The following BCCIP variants were observed in gnomAD, a reference collection of about 807,000 sequenced individuals.
The protein encoded by BCCIP is BRCA2 and CDKN1A-interacting protein.
A neutral mutation model predicts 32.8 loss-of-function variants in BCCIP; 23 were observed. The observed-to-expected ratio is 0.70, with a 90% CI of 0.51 to 0.99. The LOEUF is 0.99. BCCIP is among the 50% of genes least tolerant of loss of function. The pLI is 0.00. For missense variants in BCCIP, 378 were observed against 379.8 expected (o/e 1.00, Z 0.04); for synonymous variants, 144 against 137.6 (o/e 1.05, Z -0.33).
At chr10:125,827,967 G>GAAA (rs11296499) in intron 3 of BCCIP, among the ~76,000 whole-genome samples, 5 of 62,314 alleles carry the variant, frequency 8.0e-5, no homozygotes, top group Non-Finnish European at 1.2e-4. Context: ...CCCTATATCT[G>GAAA]AAAAAAAAAA....
Position 125,836,255 on chromosome 10 carries a change from A to T in BCCIP, c.926A>T (p.Lys309Ile), listed in dbSNP as rs747526355. The change falls in exon 7 of 7, where the codon AAA (lysine) becomes ATA (isoleucine). Residue 309 changes from lysine to isoleucine, a missense_variant. By Grantham distance (102) the Lys-to-Ile change is moderately radical. Coordinates refer to ENST00000278100, the MANE Select transcript of BCCIP (RefSeq NM_078468.3). ...DKMNEIMDKL[K>I]EYLSV is the part of the protein sequence containing the mutation. ...ATGAACGAAATCATGGATAAACTGA[A>T]AGAATATCTATCTGTCTAACCCATT... The T allele has an allele frequency of 6.2e-7, 1 of 1,614,216 alleles. No individual in the cohort carries two copies. Among genetic ancestry groups the T allele is most frequent in the Non-Finnish European group, 8.5e-7 (1 of 1,180,026 alleles).
chr10:125,837,378 C>T (rs1020608013), downstream of BCCIP, among the ~76,000 whole-genome samples: 5 of 152,338 alleles, frequency 3.3e-5, no homozygotes, highest in South Asian at 8.3e-4. Flanking sequence ...GTGGAGTAGT[C>T]TCACTCTTGC....
At chr10:125,849,187 G>A (rs1218230097) in intron 7 of BCCIP, among the ~76,000 whole-genome samples, 1 of 152,144 alleles carries the variant, frequency 6.6e-6, no homozygotes, top group Non-Finnish European at 1.5e-5. Flanking sequence ...TTAAATTGCT[G>A]TTTTGTTTTG....
chr10:125,835,306 T>C (rs60806765), intron 6 of BCCIP, among the ~76,000 whole-genome samples: 2,972 of 149,456 alleles, frequency 0.02, 103 homozygotes, highest in African/African-American at 0.068. Context: ...ATAGGCCGGG[T>C]GCGGTGGCTC....
chr10:125,834,829 C>CA (rs3034779), intron 6 of BCCIP, among the ~76,000 whole-genome samples: 6 of 149,100 alleles, frequency 4.0e-5, no homozygotes, highest in South Asian at 2.1e-4. Flanking sequence ...AACAAACAAA[C>CA]AAAAAACACA....
At chr10:125,839,292 TACAAAGGAGGCCAC>T, downstream of BCCIP, 1 of 1,202,838 alleles carries the variant, frequency 8.3e-7, no homozygotes, top group Non-Finnish European at 1.2e-6. Context: ...TCTCCTCTCC[TACAAAGGAGGCCAC>T]GTAGGTGAGT....
At chr10:125,833,388 T>A (rs1460583699) in intron 5 of BCCIP, among the ~76,000 whole-genome samples, 1 of 152,242 alleles carries the variant, frequency 6.6e-6, no homozygotes, top group Admixed American at 6.5e-5. Flanking sequence ...TGGTTGTGGC[T>A]GTATACCTTT....
At chr10:125,842,582 C>T (rs1190539562) in exon 7 of BCCIP, 1 of 152,568 alleles carries the variant, frequency 6.6e-6, no homozygotes, top group Non-Finnish European at 1.5e-5. Flanking sequence ...ACACTGCATC[C>T]TAGGACAAAG....
intron 7 of BCCIP, chr10:125,852,160 T>C (rs1944098791): frequency 8.1e-6 from 9 of 1,107,446 alleles, no homozygotes; most frequent in Admixed American, 5.7e-5. Flanking sequence ...AGCAGGAAAA[T>C]GCTTCAGTCC....
At chr10:125,841,468 T>C (rs1487443894), downstream of BCCIP, 3 of 1,480,760 alleles carry the variant, frequency 2.0e-6, no homozygotes, top group Non-Finnish European at 8.9e-7. Context: ...TCATCTGCAC[T>C]GATTATTTCA....
chr10:125,838,957 C>A, downstream of BCCIP: 1 of 1,567,218 alleles, frequency 6.4e-7, no homozygotes, highest in Non-Finnish European at 8.7e-7. Context: ...TGAGTATGTG[C>A]AATTCAGCAG....
chr10:125,842,828 C>CT (rs1854918276), downstream of BCCIP: 1 of 936,570 alleles, frequency 1.1e-6, no homozygotes, highest in African/African-American at 1.8e-5. Context: ...CTCTTTATTT[C>CT]TTTTAAGTTT....
downstream of BCCIP, among the ~76,000 whole-genome samples, chr10:125,846,328 A>G (rs1944020556): frequency 6.6e-6 from 1 of 152,232 alleles, no homozygotes; most frequent in African/African-American, 2.4e-5. Context: ...TGGCAGCCCC[A>G]GAACAACCTA....
chr10:125,827,224 T>G (rs906270797), intron 2 of BCCIP, among the ~76,000 whole-genome samples: 4 of 152,130 alleles, frequency 2.6e-5, no homozygotes, highest in Non-Finnish European at 5.9e-5. Flanking sequence ...CCTTATTCTT[T>G]TACTCATATA....
downstream of BCCIP, chr10:125,838,448 G>C: frequency 7.1e-7 from 1 of 1,404,142 alleles, no homozygotes; most frequent in African/African-American, 1.4e-5. Flanking sequence ...ATTATACAAA[G>C]ATGTTTGTTG....
At chr10:125,836,554 TAC>T (rs1854691556), downstream of BCCIP, 1 of 1,334,974 alleles carries the variant, frequency 7.5e-7, no homozygotes. Context: ...TAAAATAATA[TAC>T]ACAGTGTTAT....
intron 3 of BCCIP, among the ~76,000 whole-genome samples, chr10:125,829,174 C>T (rs1279723290): frequency 6.6e-6 from 1 of 152,202 alleles, no homozygotes; most frequent in East Asian, 1.9e-4. Context: ...GTGAAAGATA[C>T]AGTCTGCCAC....
chr10:125,828,351 T>C (rs1854450677), intron 3 of BCCIP, among the ~76,000 whole-genome samples: 1 of 152,136 alleles, frequency 6.6e-6, no homozygotes. Flanking sequence ...GGTGGAGCCC[T>C]GGAGACTTGG....
In BCCIP at chr10:125,833,828, A is replaced by G. The variant is rs1243294397; in HGVS notation, c.656A>G (p.Tyr219Cys). 4 of 1,614,108 alleles carry G rather than the reference A, an allele frequency of 2.5e-6. No homozygotes were observed. The highest frequency in any genetic ancestry group is 3.4e-6 in the Non-Finnish European group (4 of 1,180,046). ...TNKPCGKCYF[Y>C]LLISKTFVEA... The stretch of plus-strand genomic sequence containing the variant: ...AAGCCATGTGGGAAGTGCTACTTTT[A>G]CCTTCTGATTAGTAAGACATTTGTG... Residue 219 changes from tyrosine to cysteine, a missense_variant, in exon 6 of 7, where the codon TAC becomes TGC. Tyr to Cys is a radical substitution (Grantham distance 194). Coordinates refer to ENST00000278100, the MANE Select transcript of BCCIP (RefSeq NM_078468.3).
Sources: allele counts gnomAD v4.1 joint callset (sites outside exome capture counted in the v4.1 genomes callset), GRCh38; gene constraint gnomAD v4.1.1; transcripts MANE v1.5; gene names NCBI Gene and HGNC (gene_info 2026-07-23, HGNC 2026-07-21).